The following KCNN3 variants were observed in gnomAD, a reference collection of about 807,000 sequenced individuals.
The protein encoded by KCNN3 is potassium calcium-activated channel subfamily N member 3, also known as small conductance calcium-activated potassium channel protein 3.
Under a neutral mutation model 62.9 loss-of-function variants are expected in KCNN3, and 16 were observed. The ratio of observed to expected loss-of-function variants is 0.25; its 90% CI spans 0.17 to 0.39. KCNN3 has a LOEUF of 0.39. Ranked by LOEUF, KCNN3 falls within the 10% of genes least tolerant of loss-of-function variation. The pLI, the probability that KCNN3 is intolerant of heterozygous loss-of-function variation, is 1.00. For missense variants in KCNN3, 599 were observed against 949.4 expected (o/e 0.63, Z 4.85); for synonymous variants, 370 against 389.2 (o/e 0.95, Z 0.58).
intron 5 of KCNN3, among the ~76,000 whole-genome samples, chr1:154,717,483 G>T (rs1054170217): frequency 6.6e-6 from 1 of 152,098 alleles, no homozygotes; most frequent in African/African-American, 2.4e-5. Context: ...TTTTCATGTG[G>T]ACTGAAGGAA....
At chr1:154,868,141 G>A (rs1210960561) in intron 1 of KCNN3, 1 of 985,432 alleles carries the variant, frequency 1.0e-6, no homozygotes, top group Non-Finnish European at 1.2e-6. Context: ...GAGAACTGGG[G>A]CTGAGCTGGG....
At chr1:154,785,363 G>A (rs1481997230) in intron 2 of KCNN3, among the ~76,000 whole-genome samples, 1 of 152,084 alleles carries the variant, frequency 6.6e-6, no homozygotes, top group East Asian at 1.9e-4. Context: ...ACTGAGGTCA[G>A]GACCAGGTGG....
At chr1:154,786,496 G>A (rs931825965) in intron 2 of KCNN3, among the ~76,000 whole-genome samples, 2 of 152,156 alleles carry the variant, frequency 1.3e-5, no homozygotes, top group Non-Finnish European at 2.9e-5. Flanking sequence ...TATATGTATT[G>A]ACTTAGAAAA....
At position 154,790,206 on chromosome 1, in the gene KCNN3, C is replaced by T. The variant is rs559564333; in HGVS notation, c.1030-17813G>A. ...TCGGCCTCCCAAAGTGCTGGGATTA[C>T]AGGCGTGAGCCACCATGCCCAGCCA... On this transcript the variant is annotated intron_variant, in intron 2 of 7. Transcript: ENST00000271915. Among the ~76,000 whole-genome samples the T allele has an allele frequency of 1.1e-4, 17 of 152,344 alleles. 1 individual carries two copies. In the South Asian group the frequency reaches 3.5e-3, roughly 32 times the overall value.
At chr1:154,824,921 T>C (rs1024630540) in intron 1 of KCNN3, among the ~76,000 whole-genome samples, 1 of 152,240 alleles carries the variant, frequency 6.6e-6, no homozygotes, top group Non-Finnish European at 1.5e-5. Flanking sequence ...AGCTGTGTGC[T>C]GGATCAACAG....
intron 1 of KCNN3, chr1:154,868,356 A>G (rs1355093735): frequency 1.0e-6 from 1 of 987,518 alleles, no homozygotes; most frequent in Non-Finnish European, 1.2e-6. Flanking sequence ...TCCTCCACCT[A>G]TATTTTTACC....
chr1:154,818,057 AGCATG>A (rs1650739903), intron 2 of KCNN3, among the ~76,000 whole-genome samples: 1 of 152,112 alleles, frequency 6.6e-6, no homozygotes, highest in East Asian at 1.9e-4. Context: ...TCCAAGGGAG[AGCATG>A]GTTTTCAGTC....
chr1:154,826,077 A>G (rs1651111163), intron 1 of KCNN3, among the ~76,000 whole-genome samples: 1 of 129,654 alleles, frequency 7.7e-6, no homozygotes, highest in Non-Finnish European at 1.6e-5. Flanking sequence ...ACAAAAACAA[A>G]AACAAAAACA....
intron 4 of KCNN3, among the ~76,000 whole-genome samples, chr1:154,727,950 G>A (rs1368140327): frequency 6.6e-6 from 1 of 152,230 alleles, no homozygotes; most frequent in Non-Finnish European, 1.5e-5. Context: ...AACATCAGAT[G>A]GAGAGGGTTC....
intron 2 of KCNN3, among the ~76,000 whole-genome samples, chr1:154,816,985 C>A (rs1650694786): frequency 6.6e-6 from 1 of 152,236 alleles, no homozygotes; most frequent in African/African-American, 2.4e-5. Flanking sequence ...AGTTCCCCAT[C>A]TCAGAGCCTT....
At chr1:154,729,354 A>C (rs892900447) in intron 4 of KCNN3, among the ~76,000 whole-genome samples, 6 of 152,068 alleles carry the variant, frequency 3.9e-5, no homozygotes, top group Non-Finnish European at 8.8e-5. Flanking sequence ...GATGGGGTCC[A>C]CTTCTGATGA....
chr1:154,779,667 A>AG (rs547419415), intron 2 of KCNN3, among the ~76,000 whole-genome samples: 3 of 152,220 alleles, frequency 2.0e-5, no homozygotes, highest in African/African-American at 7.2e-5. Context: ...ATTAATGGGC[A>AG]GGGGGGCCGC....
chr1:154,756,446 C>T (rs1647714546), intron 3 of KCNN3, among the ~76,000 whole-genome samples: 1 of 152,202 alleles, frequency 6.6e-6, no homozygotes, highest in Non-Finnish European at 1.5e-5. Flanking sequence ...CCTTCACTTT[C>T]AGCCTCCTGC....
At position 154,704,161 on chromosome 1, in the gene KCNN3, T is replaced by C. The variant is rs1198889816; in HGVS notation, c.*3815A>G. 6.6e-6 allele frequency: 1 copy of C among 152,258 alleles called. No individual in the cohort carries two copies. The highest frequency in any genetic ancestry group is 1.5e-5 in the Non-Finnish European group (1 of 68,044). 9.4% of individuals were successfully genotyped at this position (152,258 alleles called of 1,614,324 possible). ...GCTTGTACATGCTCAGCGCTTGGAA[T>C]TTACTTTTGCGTACATTTTCTATGT... On this transcript the variant is annotated 3_prime_UTR_variant, in exon 8 of 8. Transcript: ENST00000271915.
intron 1 of KCNN3, among the ~76,000 whole-genome samples, chr1:154,867,368 G>A (rs547015745): frequency 6.6e-6 from 1 of 152,326 alleles, no homozygotes. Flanking sequence ...TCATCCTTGA[G>A]CTATTTTGAC....
intron 1 of KCNN3, among the ~76,000 whole-genome samples, chr1:154,852,397 T>G (rs1307300429): frequency 4.7e-5 from 7 of 149,306 alleles, no homozygotes; most frequent in Non-Finnish European, 8.9e-5. Context: ...TTTAGAGAGA[T>G]AGAGTCTCAC....
chr1:154,846,377 C>G (rs778898859), intron 1 of KCNN3, among the ~76,000 whole-genome samples: 44 of 152,300 alleles, frequency 2.9e-4, no homozygotes, highest in Admixed American at 4.6e-4. Context: ...TGAGTTCCTT[C>G]CTGATATTTA....
At chr1:154,790,423 CT>C (rs1649464588) in intron 2 of KCNN3, among the ~76,000 whole-genome samples, 1 of 152,220 alleles carries the variant, frequency 6.6e-6, no homozygotes, top group South Asian at 2.1e-4. Context: ...CCTAGCCTGC[CT>C]TGTGTGCTCA....
intron 1 of KCNN3, among the ~76,000 whole-genome samples, chr1:154,825,899 T>A (rs1211158462): frequency 6.6e-6 from 1 of 151,122 alleles, no homozygotes; most frequent in African/African-American, 2.4e-5. Flanking sequence ...ACACAAAAAA[T>A]TAGCGGGACG....
Sources: gnomAD v4.1 joint callset for allele counts (sites outside exome capture counted in the v4.1 genomes callset) on GRCh38, gnomAD v4.1.1 for gene constraint, MANE v1.5 for transcripts, NCBI Gene and HGNC (gene_info 2026-07-23, HGNC 2026-07-21) for gene names.